Variants in MAPK10 observed in about 807,000 individuals in gnomAD.
MAPK10 encodes mitogen-activated protein kinase 10, also known as JNK3 alpha protein kinase.
MAPK10 carries 25 observed loss-of-function variants against 59.3 expected under a neutral mutation model. That is an observed-to-expected ratio of 0.42 (90% CI 0.31 to 0.59). The LOEUF is 0.59. Ranked by LOEUF, MAPK10 falls within the 20% of genes least tolerant of loss-of-function variation. MAPK10 has a pLI of 0.15. For missense variants in MAPK10, 351 were observed against 568.9 expected, an observed-to-expected ratio of 0.62 and a Z score of 3.90; for synonymous variants, 190 against 200.5, an observed-to-expected ratio of 0.95 and a Z score of 0.44.
At chr4:86,347,698 AT>A (rs1728993605) in intron 2 of MAPK10, among the ~76,000 whole-genome samples, 1 of 152,160 alleles carries the variant, frequency 6.6e-6, no homozygotes, top group African/African-American at 2.4e-5. Flanking sequence ...TTTCTGGGTC[AT>A]AGACAGTGCA....
At chr4:86,018,612 C>T (rs576565028) in intron 13 of MAPK10, among the ~76,000 whole-genome samples, 1 of 152,294 alleles carries the variant, frequency 6.6e-6, no homozygotes, top group East Asian at 1.9e-4. Context: ...GAACCAAAGG[C>T]ATTGTGCGAT....
intron 1 of MAPK10, among the ~76,000 whole-genome samples, chr4:86,483,687 A>G (rs1753771931): frequency 6.6e-6 from 1 of 152,124 alleles, no homozygotes; most frequent in Non-Finnish European, 1.5e-5. Flanking sequence ...CTCACACATC[A>G]AGCATTCATT....
chr4:86,548,652 A>G (rs1441185180), intron 1 of MAPK10, among the ~76,000 whole-genome samples: 1 of 152,216 alleles, frequency 6.6e-6, no homozygotes, highest in African/African-American at 2.4e-5. Context: ...CTTCCTGTAT[A>G]GCCCATGGAA....
intron 1 of MAPK10, among the ~76,000 whole-genome samples, chr4:86,444,058 CA>C (rs925804150): frequency 6.7e-6 from 1 of 149,980 alleles, no homozygotes; most frequent in Non-Finnish European, 1.5e-5. Context: ...AAATAAAAAA[CA>C]AAAAACAGAA....
chr4:86,208,537 C>T (rs370546171), intron 2 of MAPK10, among the ~76,000 whole-genome samples: 30 of 151,666 alleles, frequency 2.0e-4, no homozygotes, highest in East Asian at 1.5e-3. Flanking sequence ...CAAAATTCAA[C>T]AACACTTCAT....
At chr4:86,565,828 C>T (rs148053290) in intron 1 of MAPK10, among the ~76,000 whole-genome samples, 1 of 152,246 alleles carries the variant, frequency 6.6e-6, no homozygotes, top group Non-Finnish European at 1.5e-5. Context: ...ACGTTCCTTC[C>T]TAACACTGAA....
At chr4:86,157,343 G>A (rs537276556) in intron 4 of MAPK10, among the ~76,000 whole-genome samples, 26 of 151,968 alleles carry the variant, frequency 1.7e-4, no homozygotes, top group African/African-American at 4.6e-4. Context: ...AATTACATGC[G>A]GTGACACATG....
At chr4:86,022,048 G>A (rs975118199) in intron 13 of MAPK10, among the ~76,000 whole-genome samples, 12 of 152,214 alleles carry the variant, frequency 7.9e-5, no homozygotes, top group Non-Finnish European at 1.5e-4. Context: ...GCCCAGAAAG[G>A]GGCTCCCACA....
intron 1 of MAPK10, among the ~76,000 whole-genome samples, chr4:86,423,657 T>C (rs1333584218): frequency 6.6e-6 from 1 of 151,376 alleles, no homozygotes; most frequent in African/African-American, 2.4e-5. Flanking sequence ...GGCATTAATA[T>C]AGGAATAGCA....
At chr4:86,525,139 T>C (rs1443518508) in intron 1 of MAPK10, among the ~76,000 whole-genome samples, 1 of 151,552 alleles carries the variant, frequency 6.6e-6, no homozygotes, top group Non-Finnish European at 1.5e-5. Context: ...CCACCAAAAA[T>C]ACAAAAAATT....
At chr4:86,181,084 C>T (rs1320064657) in intron 3 of MAPK10, among the ~76,000 whole-genome samples, 1 of 152,030 alleles carries the variant, frequency 6.6e-6, no homozygotes. Context: ...TGTATCAAAA[C>T]ATCACTATGT....
chr4:86,143,363 C>T (rs138113819), intron 4 of MAPK10, among the ~76,000 whole-genome samples: 19 of 152,246 alleles, frequency 1.2e-4, no homozygotes, highest in African/African-American at 4.6e-4. Flanking sequence ...GCTTGCTCTC[C>T]ACTTGCTTTT....
At chr4:86,534,978 C>T (rs986146729) in intron 1 of MAPK10, among the ~76,000 whole-genome samples, 1 of 152,036 alleles carries the variant, frequency 6.6e-6, no homozygotes, top group African/African-American at 2.4e-5. Context: ...CAGTTCATAC[C>T]TTCTCCAGTC....
chr4:86,344,479 T>C (rs1288373161), intron 2 of MAPK10, among the ~76,000 whole-genome samples: 1 of 151,992 alleles, frequency 6.6e-6, no homozygotes, highest in African/African-American at 2.4e-5. Flanking sequence ...TTCTTCTTTC[T>C]CTCCCCACCT....
chr4:86,071,051 C>A (rs957823012), intron 9 of MAPK10, among the ~76,000 whole-genome samples: 71 of 151,622 alleles, frequency 4.7e-4, no homozygotes, highest in African/African-American at 1.7e-3. Context: ...TCTCCAGCAC[C>A]TGTTGTTTCC....
intron 2 of MAPK10, among the ~76,000 whole-genome samples, chr4:86,244,345 C>A (rs1353822328): frequency 6.6e-6 from 1 of 151,838 alleles, no homozygotes; most frequent in Non-Finnish European, 1.5e-5. Context: ...AACATGAAAC[C>A]AAAGAATTAA....
At chr4:86,329,770 C>A (rs2096110420) in intron 2 of MAPK10, among the ~76,000 whole-genome samples, 1 of 152,086 alleles carries the variant, frequency 6.6e-6, no homozygotes, top group Non-Finnish European at 1.5e-5. Context: ...TTCTACCTTC[C>A]AAAAATGAAA....
upstream of MAPK10, among the ~76,000 whole-genome samples, chr4:86,362,681 C>T (rs543902969): frequency 6.6e-6 from 1 of 151,988 alleles, no homozygotes; most frequent in African/African-American, 2.4e-5. Flanking sequence ...GGCCAATAAG[C>T]ATATGAAAAA....
At chr4:86,319,548 C>T (rs1288059554) in intron 2 of MAPK10, among the ~76,000 whole-genome samples, 2 of 152,162 alleles carry the variant, frequency 1.3e-5, no homozygotes, top group African/African-American at 4.8e-5. Flanking sequence ...CACTTCCTTT[C>T]ACTCATCTCT....
Sources: gnomAD v4.1 joint callset for allele counts (sites outside exome capture counted in the v4.1 genomes callset) on GRCh38, gnomAD v4.1.1 for gene constraint, MANE v1.5 for transcripts, NCBI Gene and HGNC (gene_info 2026-07-23, HGNC 2026-07-21) for gene names.